Variants in MAPK14 observed in about 807,000 individuals in gnomAD.
MAPK14 encodes CSAID-binding protein.
A neutral mutation model predicts 49.6 loss-of-function variants in MAPK14; 16 were observed. The ratio of observed to expected loss-of-function variants is 0.32; its 90% confidence interval spans 0.22 to 0.49. The LOEUF (loss-of-function observed/expected upper bound fraction) is 0.49, where lower values mean the gene tolerates loss of function less well. Ranked by LOEUF, MAPK14 falls within the 20% of genes least tolerant of loss-of-function variation. The pLI is 0.99. For missense variants in MAPK14, 200 were observed against 441.2 expected, an observed-to-expected ratio of 0.45 and a Z score of 4.90; for synonymous variants, 142 against 158.0, an observed-to-expected ratio of 0.90 and a Z score of 0.76.
intron 1 of MAPK14, among the ~76,000 whole-genome samples, chr6:36,044,921 C>T (rs1351568615): frequency 6.6e-6 from 1 of 152,084 alleles, no homozygotes; most frequent in Non-Finnish European, 1.5e-5. Context: ...ATCACTTAGC[C>T]TAGGAGTTCA....
intron 3 of MAPK14, among the ~76,000 whole-genome samples, chr6:36,063,295 A>G (rs1763902711): frequency 6.6e-6 from 1 of 152,142 alleles, no homozygotes; most frequent in Non-Finnish European, 1.5e-5. Flanking sequence ...CAGTAAAAAT[A>G]TGGTACTGTA....
chr6:36,032,587 TAGG>T (rs1762584937), intron 1 of MAPK14, among the ~76,000 whole-genome samples: 1 of 152,178 alleles, frequency 6.6e-6, no homozygotes, highest in Non-Finnish European at 1.5e-5. Context: ...AACCATGAAA[TAGG>T]AGGTGACAGT....
intron 1 of MAPK14, among the ~76,000 whole-genome samples, chr6:36,051,635 CAG>C (rs966281889): frequency 1.3e-5 from 2 of 152,144 alleles, no homozygotes; most frequent in Non-Finnish European, 2.9e-5. Context: ...TGAGAGATAG[CAG>C]AGTCAAGTGG....
chr6:36,063,829 G>C (rs527260311), intron 3 of MAPK14, among the ~76,000 whole-genome samples: 1 of 152,186 alleles, frequency 6.6e-6, no homozygotes, highest in Non-Finnish European at 1.5e-5. Context: ...TGGTTGTACA[G>C]ATGGCAAAAT....
the MAPK14 span, among the ~76,000 whole-genome samples, chr6:36,123,042 A>G: frequency 2.0e-5 from 3 of 151,824 alleles, no homozygotes; most frequent in African/African-American, 7.3e-5. Context: ...TCTAGAGTTC[A>G]CTCGGGAACA....
chr6:36,086,302 A>G (rs1207731086), intron 8 of MAPK14, among the ~76,000 whole-genome samples: 4 of 152,176 alleles, frequency 2.6e-5, no homozygotes, highest in Non-Finnish European at 5.9e-5. Flanking sequence ...AATAACCAAG[A>G]TCAGAGTGGA....
At chr6:36,033,320 C>CTTT (rs67009009) in intron 1 of MAPK14, among the ~76,000 whole-genome samples, 2 of 146,080 alleles carry the variant, frequency 1.4e-5, no homozygotes, top group Non-Finnish European at 1.5e-5. Flanking sequence ...CATTTTTCCA[C>CTTT]TTTTTTTTTT....
chr6:36,102,833 TTGTA>T lies in MAPK14; in HGVS notation c.841+188_841+191del, dbSNP rs1209016313. ...ATTTTTTTTTAATCACATGAGATGA[TTGTA>T]TGTTTAAATGATCACAGAACTTGGG... On this transcript the variant is annotated intron_variant, in intron 10 of 11. Transcript: ENST00000229794. 3.0e-6 allele frequency: 3 copies of T among 986,840 alleles called. No individual in the cohort carries two copies. In the Admixed American group the frequency reaches 9.4e-5, roughly 31 times the overall value. The allele number at this position is 986,840 out of a possible 1,614,324, so 61.1% of individuals were successfully genotyped here.
At position 36,108,415 on chromosome 6, in the gene MAPK14, C is replaced by T. The variant is rs772108703; in HGVS notation, c.1051C>T (p.Pro351Ser). The change falls in exon 12 of 12, where the codon CCA (proline) becomes TCA (serine). Residue 351 changes from proline to serine, a missense_variant. By Grantham distance (74) the Pro-to-Ser change is moderately conservative. Transcript: ENST00000229794. ...TYDEVISFVP[P>S]PLDQEEMES Reference sequence around the variant, plus strand: ...TGATGAAGTCATCAGCTTTGTGCCACCACCCCTTGACCAAGAAGAGATGGA... The same window carrying T: ...TGATGAAGTCATCAGCTTTGTGCCATCACCCCTTGACCAAGAAGAGATGGA... 2.5e-6 allele frequency: 4 copies of T among 1,614,086 alleles called. No individual in the cohort carries two copies. Among genetic ancestry groups the T allele is most frequent in the South Asian group, 2.2e-5 (2 of 91,088 alleles).
At chr6:36,069,640 T>C (rs1333019800) in intron 3 of MAPK14, among the ~76,000 whole-genome samples, 1 of 152,180 alleles carries the variant, frequency 6.6e-6, no homozygotes, top group African/African-American at 2.4e-5. Context: ...ATGGATGTGG[T>C]CTCTGAGGGG....
chr6:36,073,792 G>A, intron 5 of MAPK14, 72 bp downstream of exon 5: 1 of 1,427,434 alleles, frequency 7.0e-7, no homozygotes, highest in South Asian at 1.2e-5. Context: ...ATTTAGCCAA[G>A]ATCCTAATCT....
chr6:36,093,986 G>C (rs1258512653), intron 8 of MAPK14, among the ~76,000 whole-genome samples: 1 of 152,134 alleles, frequency 6.6e-6, no homozygotes, highest in Non-Finnish European at 1.5e-5. Flanking sequence ...AGTCATTTTA[G>C]ATGAGCAAGA....
chr6:36,055,698 A>C (rs555968148), intron 2 of MAPK14, among the ~76,000 whole-genome samples: 1 of 152,054 alleles, frequency 6.6e-6, no homozygotes, highest in South Asian at 2.1e-4. Context: ...TTGGGAGGCC[A>C]AGGTGGGTGG....
At position 36,107,624 on chromosome 6, in the gene MAPK14, GA is replaced by G; in HGVS notation, c.1015del (p.Ser339AlafsTer2). On this transcript the variant is annotated frameshift_variant, in exon 11 of 12. Transcript: ENST00000229794. LOFTEE classifies it high-confidence loss of function. The surrounding 1 kb of genome is among the most constrained non-coding windows in gnomAD (Gnocchi z 4.3). ...GCAGGGACCTCCTTATAGATGAGTG[GA>G]AAAGTAAGTCCTAAGGGTAGGATTA... ...ESRDLLIDEW[K>X]SLTYDEVISF... is the part of the protein sequence containing the mutation. 6.4e-7 allele frequency: 1 copy of G among 1,563,782 alleles called. No homozygotes were observed. The highest frequency in any genetic ancestry group is 1.2e-5 in the South Asian group (1 of 81,044).
chr6:36,032,167 C>T (rs1762570351), intron 1 of MAPK14, among the ~76,000 whole-genome samples: 1 of 151,718 alleles, frequency 6.6e-6, no homozygotes, highest in Non-Finnish European at 1.5e-5. Context: ...TGTCAGTTTC[C>T]GAATTTTATT....
intron 8 of MAPK14, among the ~76,000 whole-genome samples, chr6:36,088,661 G>T (rs1765089625): frequency 6.6e-6 from 1 of 151,524 alleles, no homozygotes; most frequent in Non-Finnish European, 1.5e-5. Context: ...GGCGGAGCTG[G>T]CAGTGAGCCG....
downstream of MAPK14, among the ~76,000 whole-genome samples, chr6:36,111,878 C>T (rs951559648): frequency 4.6e-5 from 7 of 152,096 alleles, no homozygotes; most frequent in East Asian, 1.9e-4. Flanking sequence ...AAAAGGGCCC[C>T]GGTTGTTACA....
At chr6:36,093,832 A>AT (rs1434162377) in intron 8 of MAPK14, among the ~76,000 whole-genome samples, 1 of 151,514 alleles carries the variant, frequency 6.6e-6, no homozygotes, top group Non-Finnish European at 1.5e-5. Context: ...ATTACTTTTG[A>AT]TGCATATATT....
At chr6:36,088,485 G>A (rs1205369062) in intron 8 of MAPK14, among the ~76,000 whole-genome samples, 1 of 152,146 alleles carries the variant, frequency 6.6e-6, no homozygotes, top group Non-Finnish European at 1.5e-5. Context: ...CACTTTGGGA[G>A]GCTGAGGCAG....
Sources: gnomAD v4.1 joint callset for allele counts (sites outside exome capture counted in the v4.1 genomes callset) on GRCh38, gnomAD v4.1.1 for gene constraint, Gnocchi (gnomAD v3.1) non-coding constraint, MANE v1.5 for transcripts, NCBI Gene and HGNC (gene_info 2026-07-23, HGNC 2026-07-21) for gene names.